The following PARP15 variants were observed in gnomAD, a reference collection of about 807,000 sequenced individuals.
The protein encoded by PARP15 is protein mono-ADP-ribosyltransferase PARP15.
PARP15 carries 50 observed loss-of-function variants against 62.1 expected under a neutral mutation model. The ratio of observed to expected loss-of-function variants is 0.81; its 90% CI spans 0.64 to 1.02. PARP15 has a LOEUF of 1.02. Among genes scored for constraint, PARP15 ranks in the 50% least tolerant of loss-of-function variants. The probability of loss-of-function intolerance (pLI) is 0.00; values close to 1 mark genes in which losing one functional copy is unlikely to be tolerated. For synonymous variants in PARP15, 309 were observed against 293.1 expected (o/e 1.05, Z -0.55); for missense variants, 820 against 826.5 (o/e 0.99, Z 0.10).
intron 1 of PARP15, among the ~76,000 whole-genome samples, chr3:122,584,573 C>CTTTTTTTTTTTTTTTTTTTT (rs377394521): frequency 7.3e-6 from 1 of 136,906 alleles, no homozygotes. Context: ...CCATTTCTTT[C>CTTTTTTTTTTTTTTTTTTTT]CTTTTTTTTT....
chr3:122,582,208 G>T (rs1327140836), intron 1 of PARP15, among the ~76,000 whole-genome samples: 1 of 150,284 alleles, frequency 6.7e-6, no homozygotes, highest in African/African-American at 2.5e-5. Context: ...GTCTCCCTCT[G>T]TCATCCAGGC....
At chr3:122,610,411 C>T (rs1032763835) in intron 2 of PARP15, 83 bp from the exon 3 acceptor site, 58 of 1,240,930 alleles carry the variant, frequency 4.7e-5, no homozygotes, top group South Asian at 1.3e-4. Context: ...CTGTACATTA[C>T]CCCACAATAC....
intron 6 of PARP15, among the ~76,000 whole-genome samples, chr3:122,617,714 T>C (rs997563174): frequency 3.3e-5 from 5 of 152,154 alleles, no homozygotes; most frequent in African/African-American, 4.8e-5. Context: ...ATTTATAACT[T>C]ATACACATAC....
chr3:122,599,144 G>A (rs1442832908), intron 1 of PARP15, among the ~76,000 whole-genome samples: 1 of 152,070 alleles, frequency 6.6e-6, no homozygotes, highest in Non-Finnish European at 1.5e-5. Context: ...TGATCCACCC[G>A]CTTCAGCCTC....
At chr3:122,606,146 A>T in intron 2 of PARP15, 91 bp downstream of exon 2, 1 of 1,384,410 alleles carries the variant, frequency 7.2e-7, no homozygotes, top group Non-Finnish European at 9.7e-7. Flanking sequence ...TTTGTTCTTT[A>T]TCTTAATCAA....
At chr3:122,591,007 C>G (rs1933867708) in intron 1 of PARP15, among the ~76,000 whole-genome samples, 2 of 152,140 alleles carry the variant, frequency 1.3e-5, no homozygotes, top group Admixed American at 6.6e-5. Flanking sequence ...GTAAATCTGA[C>G]TTTACAAAAT....
chr3:122,635,102 A>C lies in PARP15; in HGVS notation c.1655A>C (p.Asn552Thr). 1 of 1,614,096 alleles carries C rather than the reference A, an allele frequency of 6.2e-7. No homozygotes were observed. Among genetic ancestry groups the C allele is most frequent in the Non-Finnish European group, 8.5e-7 (1 of 1,179,956 alleles). Residue 552 changes from asparagine to threonine, a missense_variant, in exon 11 of 12, where the codon AAT becomes ACT. Transcript: ENST00000464300. ...RQMDIKNDHK[N>T]NERLLFHGTD... ...ATGGATATCAAGAATGACCATAAGA[A>C]TAATGAGAGACTCCTCTTCCATGGG...
rs559366502 is a variant in PARP15 at position 122,607,918 on chromosome 3, C to T, written c.306+1863C>T. ...ACACACCACTCCCAACCTCCAATCA[C>T]GCCTCAGTACTACCCTTACCTCCTT... On this transcript the variant is annotated intron_variant, in intron 2 of 11. Coordinates refer to ENST00000464300, the MANE Select transcript of PARP15 (RefSeq NM_001113523.3). Among the ~76,000 whole-genome samples the T allele has an allele frequency of 1.3e-3, 200 of 152,328 alleles. 1 individual carries two copies. The highest frequency in any genetic ancestry group is 2.1e-3 in the Non-Finnish European group (146 of 68,020).
chr3:122,579,999 G>GTATGTATATATATATA (rs1553725411), intron 1 of PARP15, among the ~76,000 whole-genome samples: 1 of 64,472 alleles, frequency 1.6e-5, no homozygotes, highest in African/African-American at 5.0e-5. Flanking sequence ...GCAACTATAT[G>GTATGTATATATATATA]TATATATATA....
rs1049902643 is a variant in PARP15, at chr3:122,636,948, A to T, written c.*848A>T. ...TGCTTGAGTGTCCTCATGACACAAC[A>T]GTTGGCTTACTCCAGAGTGAGCAAC... On this transcript the variant is annotated 3_prime_UTR_variant, in exon 12 of 12. Transcript: ENST00000464300. 4.6e-5 allele frequency: 7 copies of T among 152,210 alleles called. No homozygotes were observed. The highest frequency in any genetic ancestry group is 1.0e-4 in the Non-Finnish European group (7 of 68,060). The allele number at this position is 152,210 out of a possible 1,614,324, so 9.4% of individuals were successfully genotyped here.
In PARP15 at chr3:122,613,051, A is replaced by G; in HGVS notation, c.554A>G (p.Asn185Ser). 6.4e-7 allele frequency: 1 copy of G among 1,551,278 alleles called. No homozygotes were observed. Among genetic ancestry groups the G allele is most frequent in the Non-Finnish European group, 8.7e-7 (1 of 1,146,350 alleles). The change falls in exon 4 of 12, where the codon AAT (asparagine) becomes AGT (serine). Residue 185 changes from asparagine to serine, a missense_variant. Coordinates refer to ENST00000464300, the MANE Select transcript of PARP15 (RefSeq NM_001113523.3). ...GAETSWQIMA[N>S]IIKKCLTTVE... ...CTTTGCACATTTCAGATCATGGCAA[A>G]TATAATCAAGAAATGTTTGACAACT...
Position 122,610,629 on chromosome 3 carries a change from G to C in PARP15, c.442G>C (p.Val148Leu). The C allele has an allele frequency of 6.4e-7, 1 of 1,551,668 alleles. No homozygotes were observed. Among genetic ancestry groups the C allele is most frequent in the Non-Finnish European group, 8.7e-7 (1 of 1,146,966 alleles). Residue 148 changes from valine (V) to leucine (L), a missense_variant, in exon 3 of 12, where the codon GTA (valine) becomes CTA (leucine). Physicochemically the swap from Val to Leu is conservative, Grantham distance 32. Around this residue, in one of 3 missense-constraint regions of PARP15, gnomAD observed 731 missense variants for 727.7 expected, o/e 1.00. Coordinates refer to ENST00000464300, the MANE Select transcript of PARP15 (RefSeq NM_001113523.3). ...DDRRRETEEK[V>L]GNIFMTSGCN... ...CAGAAGGCGGGAAACAGAGGAAAAA[G>C]TAGGTAACATATTCATGACAAGCGG...
intron 1 of PARP15, among the ~76,000 whole-genome samples, chr3:122,597,216 C>T (rs761200436): frequency 6.6e-6 from 1 of 152,116 alleles, no homozygotes; most frequent in Non-Finnish European, 1.5e-5. Context: ...TGGCACTAAT[C>T]CCATTCATGA....
chr3:122,618,735 C>T (rs1576530160), intron 6 of PARP15, among the ~76,000 whole-genome samples: 1 of 152,152 alleles, frequency 6.6e-6, no homozygotes, highest in Non-Finnish European at 1.5e-5. Context: ...AGGAGCTAGG[C>T]TGAAAACTGT....
chr3:122,581,282 C>T (rs1440970310), intron 1 of PARP15, among the ~76,000 whole-genome samples: 43 of 152,146 alleles, frequency 2.8e-4, no homozygotes. Context: ...TTGGGACTGC[C>T]ATGCTGTTTT....
At chr3:122,591,534 G>C (rs945905026) in intron 1 of PARP15, among the ~76,000 whole-genome samples, 1 of 152,104 alleles carries the variant, frequency 6.6e-6, no homozygotes, top group Non-Finnish European at 1.5e-5. Context: ...AGGCCGAGGC[G>C]GGCAGATCAC....
intron 1 of PARP15, among the ~76,000 whole-genome samples, chr3:122,581,644 C>T (rs533862400): frequency 1.3e-5 from 2 of 152,256 alleles, no homozygotes; most frequent in South Asian, 4.1e-4. Flanking sequence ...GAATATTAAC[C>T]TCTTCACCAA....
chr3:122,623,457 C>A (rs549030609), intron 8 of PARP15, among the ~76,000 whole-genome samples: 1 of 152,286 alleles, frequency 6.6e-6, no homozygotes, highest in South Asian at 2.1e-4. Context: ...GTGGAATGAG[C>A]CTGTCAAGGG....
chr3:122,635,091 T>C lies in PARP15; in HGVS notation c.1644T>C (p.Asn548=). 3 of 1,614,082 alleles carry C rather than the reference T, an allele frequency of 1.9e-6. No individual in the cohort carries two copies. Among genetic ancestry groups the C allele is most frequent in the Non-Finnish European group, 2.5e-6 (3 of 1,179,968 alleles). ...QVKKRQMDIK[N]DHKNNERLLF... ...AGAAAAGGCAAATGGATATCAAGAA[T>C]GACCATAAGAATAATGAGAGACTCC... is the stretch of plus-strand genomic sequence containing the variant. Residue 548 remains asparagine (N), a synonymous_variant, in exon 11 of 12, where the codon AAT becomes AAC. Transcript: ENST00000464300.
Sources: gnomAD v4.1 joint callset for allele counts (sites outside exome capture counted in the v4.1 genomes callset) on GRCh38, gnomAD v4.1.1 for gene constraint, gnomAD v4.1.1 regional missense constraint, MANE v1.5 for transcripts, NCBI Gene and HGNC (gene_info 2026-07-23, HGNC 2026-07-21) for gene names.